MBD5: variants seen among roughly 807,000 people sequenced by gnomAD.
MBD5 encodes methyl-CpG binding domain protein 5.
MBD5 carries 13 observed loss-of-function variants against 117.3 expected under a neutral mutation model. The ratio of observed to expected loss-of-function variants is 0.11; its 90% CI spans 0.07 to 0.18. MBD5 has a LOEUF of 0.18. Ranked by LOEUF, MBD5 falls within the 10% of genes least tolerant of loss-of-function variation. MBD5 has a pLI of 1.00. For synonymous variants in MBD5, 727 were observed against 766.4 expected (o/e 0.95, Z 0.85); for missense variants, 1,879 against 2,093.8 (o/e 0.90, Z 2.00).
At chr2:148,449,230 G>A (rs4972362) in intron 4 of MBD5, among the ~76,000 whole-genome samples, 30,537 of 152,000 alleles carry the variant, frequency 0.2, 3,756 homozygotes, top group Middle Eastern at 0.37. Context: ...AAGAAAGGAA[G>A]TGTTGCATAG....
intron 3 of MBD5, among the ~76,000 whole-genome samples, chr2:148,246,822 G>GT (rs1055477861): frequency 7.1e-6 from 1 of 141,346 alleles, no homozygotes; most frequent in Non-Finnish European, 1.5e-5. Context: ...GTTTCTAAAT[G>GT]TTTTTTTAAA....
At chr2:148,475,660 A>G (rs1398146919) in intron 8 of MBD5, among the ~76,000 whole-genome samples, 1 of 152,150 alleles carries the variant, frequency 6.6e-6, no homozygotes, top group Admixed American at 6.6e-5. Flanking sequence ...AAGCCACTAG[A>G]AATCCTTCAG....
chr2:148,430,292 G>A (rs778519657), intron 4 of MBD5, among the ~76,000 whole-genome samples: 13 of 152,176 alleles, frequency 8.5e-5, no homozygotes, highest in Non-Finnish European at 1.5e-4. Context: ...GGAACTAAGG[G>A]AAGGGGAAGT....
intron 4 of MBD5, among the ~76,000 whole-genome samples, chr2:148,403,127 A>C (rs1167688771): frequency 1.3e-5 from 2 of 151,618 alleles, no homozygotes; most frequent in Non-Finnish European, 2.9e-5. Context: ...TAGCTTTTAT[A>C]TCTCTCTATC....
At chr2:148,331,360 A>T (rs1284725953) in intron 3 of MBD5, among the ~76,000 whole-genome samples, 1 of 145,092 alleles carries the variant, frequency 6.9e-6, no homozygotes, top group Non-Finnish European at 1.5e-5. Context: ...CCCCAGATGC[A>T]ATCATTTTCC....
chr2:148,457,129 A>G (rs904038122), intron 4 of MBD5, among the ~76,000 whole-genome samples: 1 of 152,194 alleles, frequency 6.6e-6, no homozygotes, highest in Non-Finnish European at 1.5e-5. Context: ...TCAATTTAAT[A>G]CTTTCATAAG....
chr2:148,047,929 C>T (rs1437234663), intron 1 of MBD5, among the ~76,000 whole-genome samples: 1 of 152,162 alleles, frequency 6.6e-6, no homozygotes, highest in Non-Finnish European at 1.5e-5. Flanking sequence ...AGATCTCATA[C>T]ATAGAGTTGT....
At chr2:148,506,180 C>G (rs559735304) in intron 12 of MBD5, among the ~76,000 whole-genome samples, 3 of 152,244 alleles carry the variant, frequency 2.0e-5, no homozygotes, top group African/African-American at 7.2e-5. Flanking sequence ...AACATATGTT[C>G]TAATTATATC....
In MBD5 at chr2:148,021,108, C is replaced by G. The variant is rs1172701964; in HGVS notation, c.-1501C>G. Reference sequence around the variant, plus strand: ...TCCCCCCCAAGCAGAGAGACCCCAGCAGCAGCAGCAGCTGATGATGAAGAG... The same window carrying G: ...TCCCCCCCAAGCAGAGAGACCCCAGGAGCAGCAGCAGCTGATGATGAAGAG... On this transcript the variant is annotated 5_prime_UTR_variant, in exon 1 of 14. Transcript: ENST00000642680. 6.6e-6 allele frequency: 1 copy of G among 152,500 alleles called. No homozygotes were observed. Among genetic ancestry groups the G allele is most frequent in the Non-Finnish European group, 1.5e-5 (1 of 68,364 alleles). 9.4% of individuals were successfully genotyped at this position (152,500 alleles called of 1,614,324 possible).
chr2:148,056,396 A>G (rs907599199), intron 1 of MBD5, among the ~76,000 whole-genome samples: 2 of 151,950 alleles, frequency 1.3e-5, no homozygotes, highest in African/African-American at 4.8e-5. Flanking sequence ...TTTTCTTGTA[A>G]TGTTGCCAGT....
intron 4 of MBD5, among the ~76,000 whole-genome samples, chr2:148,390,697 T>C (rs146651775): frequency 0.018 from 2,800 of 151,940 alleles, 33 homozygotes; most frequent in Middle Eastern, 0.041. Flanking sequence ...CACCTCATCC[T>C]CCCAAGTAGC....
intron 1 of MBD5, among the ~76,000 whole-genome samples, chr2:148,069,524 A>G (rs934907862): frequency 1.3e-5 from 2 of 152,154 alleles, no homozygotes; most frequent in African/African-American, 2.4e-5. Context: ...TATATTAAAT[A>G]TCATCTTATA....
chr2:148,264,583 T>C (rs1282928087), intron 3 of MBD5: 1 of 152,148 alleles, frequency 6.6e-6, no homozygotes, highest in Non-Finnish European at 1.5e-5. Context: ...TTTTAAACAA[T>C]AGAAGCCAGC....
chr2:148,157,658 A>C (rs1697907760), intron 1 of MBD5, among the ~76,000 whole-genome samples: 1 of 152,224 alleles, frequency 6.6e-6, no homozygotes, highest in Non-Finnish European at 1.5e-5. Flanking sequence ...GCAAGTAAAT[A>C]TTTTTAAAAG....
At chr2:148,096,563 C>T (rs1224131445) in intron 1 of MBD5, among the ~76,000 whole-genome samples, 2 of 152,132 alleles carry the variant, frequency 1.3e-5, no homozygotes, top group East Asian at 3.8e-4. Flanking sequence ...GATGTTCTGA[C>T]ACCAAGCCAT....
intron 1 of MBD5, among the ~76,000 whole-genome samples, chr2:148,126,715 T>C (rs1379966323): frequency 1.4e-4 from 21 of 152,082 alleles, no homozygotes; most frequent in East Asian, 5.8e-4. Context: ...TGCCATCTTT[T>C]CCCCCCTGGC....
chr2:148,351,919 T>A (rs918103726), intron 4 of MBD5, among the ~76,000 whole-genome samples: 1 of 152,070 alleles, frequency 6.6e-6, no homozygotes, highest in Non-Finnish European at 1.5e-5. Flanking sequence ...TTCTGCAACC[T>A]ATGTGTTTAG....
chr2:148,467,223 T>G (rs1248311250), intron 7 of MBD5, among the ~76,000 whole-genome samples: 1 of 152,190 alleles, frequency 6.6e-6, no homozygotes, highest in African/African-American at 2.4e-5. Context: ...CTTGCCATTT[T>G]CATTTTAAAA....
rs769845590 is a variant in MBD5 at position 148,490,056 on chromosome 2, G to C, written c.4424G>C (p.Gly1475Ala). 1.2e-6 allele frequency: 2 copies of C among 1,613,818 alleles called. No homozygotes were observed. The highest frequency in any genetic ancestry group is 1.7e-6 in the Non-Finnish European group (2 of 1,179,998). The change falls in exon 11 of 14, where the codon GGG becomes GCG. Residue 1475 changes from glycine to alanine, a missense_variant. Physicochemically the swap from Gly to Ala is moderately conservative, Grantham distance 60. This residue lies in a region of MBD5 where 1,666 missense variants were observed against 1,792.2 expected (regional missense o/e 0.93). Coordinates refer to ENST00000642680, the MANE Select transcript of MBD5 (RefSeq NM_001378120.1). The part of the protein sequence containing the change: ...NNVSTLPFLP[G>A]EQHPILLPPR... ...GTCTCTACACTGCCATTTCTGCCTGGGGAACAGCACCCAATACTGTTACCA... is the reference window on the plus strand; with the variant it reads ...GTCTCTACACTGCCATTTCTGCCTGCGGAACAGCACCCAATACTGTTACCA...
Sources: allele counts gnomAD v4.1 joint callset (sites outside exome capture counted in the v4.1 genomes callset), GRCh38; gene constraint gnomAD v4.1.1; regional missense constraint gnomAD v4.1.1; transcripts MANE v1.5; gene names NCBI Gene and HGNC (gene_info 2026-07-23, HGNC 2026-07-21).